FBXO38: variants seen among roughly 807,000 people sequenced by gnomAD.
FBXO38 encodes F-box only protein 38.
A neutral mutation model predicts 131.9 loss-of-function variants in FBXO38; 53 were observed. That is an observed-to-expected ratio of 0.40 (90% CI 0.32 to 0.51). The LOEUF (loss-of-function observed/expected upper bound fraction) is 0.51. Among genes scored for constraint, FBXO38 ranks in the 20% least tolerant of loss-of-function variants. The pLI, the probability that FBXO38 is intolerant of heterozygous loss-of-function variation, is 0.53. For synonymous variants in FBXO38, 452 were observed against 505.6 expected, an observed-to-expected ratio of 0.89 and a Z score of 1.42; for missense variants, 1,076 against 1,475.6, an observed-to-expected ratio of 0.73 and a Z score of 4.44.
At chr5:148,391,669 T>C (rs746196379) in intron 1 of FBXO38, among the ~76,000 whole-genome samples, 1 of 152,226 alleles carries the variant, frequency 6.6e-6, no homozygotes, top group Non-Finnish European at 1.5e-5. Flanking sequence ...TGAGATTAGA[T>C]TGGAAATATT....
intron 6 of FBXO38, among the ~76,000 whole-genome samples, chr5:148,405,658 C>T (rs1415938383): frequency 3.9e-5 from 6 of 152,208 alleles, no homozygotes; most frequent in African/African-American, 1.2e-4. Context: ...ATTATTGTTT[C>T]GTTATCCTGA....
Position 148,409,227 on chromosome 5 carries a change from C to T in FBXO38, c.962+10C>T. 1 of 1,539,100 alleles carries T rather than the reference C, an allele frequency of 6.5e-7. No individual in the cohort carries two copies. Among genetic ancestry groups the T allele is most frequent in the South Asian group, 1.1e-5 (1 of 89,574 alleles). ...TTACTGCTGCCCGTAGGTATGTTTCCTCTTTGTATTGTGTCTCTCACTTTA... is the reference window on the plus strand; with the variant it reads ...TTACTGCTGCCCGTAGGTATGTTTCTTCTTTGTATTGTGTCTCTCACTTTA... On this transcript the variant is annotated intron_variant, in intron 8 of 21. Transcript: ENST00000340253.
intron 3 of FBXO38, chr5:148,399,419 A>G: frequency 2.8e-6 from 1 of 363,002 alleles, no homozygotes. Context: ...TTAATTGAGT[A>G]TATGTGTATC....
At position 148,405,016 on chromosome 5, in the gene FBXO38, C is replaced by CA. The variant is rs764926425; in HGVS notation, c.730+207dup. Among the ~76,000 whole-genome samples, 4,869 of 122,388 alleles carry CA rather than the reference C, an allele frequency of 0.04. 135 individuals are homozygous for CA. Among genetic ancestry groups the CA allele is most frequent in the East Asian group, 0.088 (382 of 4,342 alleles). The allele number at this position is 122,388 out of a possible 152,430, so 80.3% of individuals were successfully genotyped here. On this transcript the variant is annotated intron_variant, in intron 6 of 21. Transcript: ENST00000340253. The stretch of plus-strand genomic sequence containing the variant: ...AAAGATGATTTGTGTTTGACCTCAG[C>CA]AAAAAAAAAAAAACAAAACTCAGAA...
chr5:148,437,118 C>CTGTACCTTCTCTAACCTAA (rs1468171636), intron 17 of FBXO38, among the ~76,000 whole-genome samples: 1 of 152,216 alleles, frequency 6.6e-6, no homozygotes, highest in African/African-American at 2.4e-5. Context: ...ATGATTTCTC[C>CTGTACCTTCTCTAACCTAA]TGTACCTTCT....
intron 1 of FBXO38, among the ~76,000 whole-genome samples, chr5:148,392,713 A>G (rs553836634): frequency 5.3e-5 from 8 of 152,064 alleles, no homozygotes; most frequent in African/African-American, 1.9e-4. Context: ...AGCAGTGGTC[A>G]TAGAGGAACG....
Position 148,438,553 on chromosome 5 carries a change from C to T in FBXO38, c.3024+55C>T, listed in dbSNP as rs1391654912. On this transcript the variant is annotated intron_variant, in intron 18 of 21. Coordinates refer to ENST00000340253, the MANE Select transcript of FBXO38 (RefSeq NM_205836.3). ...CACATATTGTGGTGTTTTTCTTTTT[C>T]TTTTTCTTGTTAGTCTTTAGCCTTT... is the stretch of plus-strand genomic sequence containing the variant. 8 of 1,556,844 alleles carry T rather than the reference C, an allele frequency of 5.1e-6. No individual in the cohort carries two copies. In the East Asian group the frequency reaches 1.8e-4, roughly 35 times the overall value.
intron 5 of FBXO38, among the ~76,000 whole-genome samples, chr5:148,402,850 C>A (rs1289044445): frequency 6.6e-6 from 1 of 152,120 alleles, no homozygotes; most frequent in Non-Finnish European, 1.5e-5. Flanking sequence ...GTTAATATAG[C>A]TGGCCTTTAA....
chr5:148,411,359 A>G (rs750734914), intron 9 of FBXO38, among the ~76,000 whole-genome samples: 5 of 152,168 alleles, frequency 3.3e-5, no homozygotes, highest in Non-Finnish European at 7.3e-5. Context: ...TACTCAAACT[A>G]TTTTTCCATA....
At chr5:148,389,644 C>A (rs1479923135) in intron 1 of FBXO38, 1 of 152,174 alleles carries the variant, frequency 6.6e-6, no homozygotes, top group Non-Finnish European at 1.5e-5. Flanking sequence ...GAGAAAAAAA[C>A]ACAAGGCTAG....
intron 17 of FBXO38, chr5:148,435,186 G>A (rs1337923230): frequency 1.3e-5 from 2 of 152,260 alleles, no homozygotes; most frequent in South Asian, 4.1e-4. Context: ...TGCTGGTGGA[G>A]AGTATTGCCT....
chr5:148,410,025 A>G (rs1752658466), intron 8 of FBXO38, among the ~76,000 whole-genome samples: 1 of 152,228 alleles, frequency 6.6e-6, no homozygotes, highest in Admixed American at 6.5e-5. Flanking sequence ...ATTGTTATTT[A>G]ATGTATAGCT....
chr5:148,398,312 A>C (rs1052647404), intron 2 of FBXO38, among the ~76,000 whole-genome samples: 2 of 152,138 alleles, frequency 1.3e-5, no homozygotes, highest in African/African-American at 4.8e-5. Context: ...AACAGAACAA[A>C]AGTCAGGATT....
chr5:148,423,384 A>G (rs1029388039), intron 12 of FBXO38, among the ~76,000 whole-genome samples: 4 of 152,342 alleles, frequency 2.6e-5, no homozygotes, highest in African/African-American at 9.6e-5. Flanking sequence ...CGAGAAATAA[A>G]TAAGAAAATG....
intron 10 of FBXO38, 81 bp from the exon 11 acceptor site, chr5:148,415,847 C>A: frequency 7.0e-7 from 1 of 1,438,344 alleles, no homozygotes; most frequent in South Asian, 1.2e-5. Flanking sequence ...ATTTGAAAGT[C>A]TTTGTGACCT....
intron 9 of FBXO38, chr5:148,413,831 C>A: frequency 4.5e-6 from 1 of 223,444 alleles, no homozygotes; most frequent in South Asian, 1.6e-4. Flanking sequence ...ATGGTATGAA[C>A]CAGTATGATA....
chr5:148,395,629 A>G (rs1484879526), intron 2 of FBXO38, among the ~76,000 whole-genome samples: 1 of 152,106 alleles, frequency 6.6e-6, no homozygotes, highest in Admixed American at 6.5e-5. Context: ...ATTATTTGCT[A>G]GCTCTAGACT....
rs1390334756 is a variant in FBXO38, at chr5:148,441,180, T to C, written c.3331T>C (p.Leu1111=). The stretch of plus-strand genomic sequence containing the variant: ...TTCTGACTTCCCTTGGCTGAGGTCA[T>C]TACGAGCTGCAGAGCCCAACAGCTT... ...MISDFPWLRS[L]RAAEPNSFAR... is the part of the protein sequence containing the mutation. The change falls in exon 21 of 22, where the codon TTA becomes CTA. Residue 1111 remains leucine (L), a synonymous_variant. Coordinates refer to ENST00000340253, the MANE Select transcript of FBXO38 (RefSeq NM_205836.3). The C allele has an allele frequency of 6.2e-7, 1 of 1,613,994 alleles. No individual in the cohort carries two copies.
chr5:148,416,183 C>T (rs1392304004), intron 11 of FBXO38, 113 bp downstream of exon 11: 27 of 1,044,244 alleles, frequency 2.6e-5, no homozygotes, highest in African/African-American at 1.0e-4. Flanking sequence ...GTGTTACAGT[C>T]GGACTTTTTA....
Sources: gnomAD v4.1 joint callset for allele counts (sites outside exome capture counted in the v4.1 genomes callset) on GRCh38, gnomAD v4.1.1 for gene constraint, MANE v1.5 for transcripts, NCBI Gene and HGNC (gene_info 2026-07-23, HGNC 2026-07-21) for gene names.